UGT2A2: variants seen among roughly 807,000 people sequenced by gnomAD.
UGT2A2 encodes the protein UDP glucuronosyltransferase family 2 member A2.
Under a neutral mutation model 50.7 loss-of-function variants are expected in UGT2A2, and 60 were observed. The ratio of observed to expected loss-of-function variants is 1.18; its 90% CI spans 0.96 to 1.47. The LOEUF (loss-of-function observed/expected upper bound fraction) is 1.47, where lower values mean the gene tolerates loss of function less well. Ranked by LOEUF, UGT2A2 falls within the 40% of genes most tolerant of loss-of-function variation. UGT2A2 has a pLI of 0.00. For synonymous variants in UGT2A2, 242 were observed against 214.6 expected (o/e 1.13, Z -1.11); for missense variants, 762 against 634.0 (o/e 1.20, Z -2.17).
chr4:69,596,189 T>C (rs933367127), intron 3 of UGT2A2, 61 bp downstream of exon 3: 2 of 1,412,200 alleles, frequency 1.4e-6, no homozygotes, highest in African/African-American at 1.4e-5. Flanking sequence ...AGAACATTAC[T>C]AGCTGCATTG....
intron 1 of UGT2A2, 44 bp downstream of exon 1, chr4:69,638,855 A>G: frequency 2.7e-6 from 4 of 1,479,018 alleles, no homozygotes; most frequent in Non-Finnish European, 3.6e-6. Flanking sequence ...ATAAGAATAA[A>G]TAAGGGATGT....
At chr4:69,625,003 C>G (rs369242151) in intron 1 of UGT2A2, among the ~76,000 whole-genome samples, 1 of 150,262 alleles carries the variant, frequency 6.7e-6, no homozygotes, top group East Asian at 2.0e-4. Flanking sequence ...CTTGTAGCAA[C>G]AAAAAAAATC....
chr4:69,635,840 A>G (rs1306595805), intron 1 of UGT2A2: 1 of 146,456 alleles, frequency 6.8e-6, no homozygotes, highest in African/African-American at 2.6e-5. Flanking sequence ...AAAAAAAAAA[A>G]AAAAAAAAAA....
At chr4:69,593,977 G>T (rs2033800) in intron 5 of UGT2A2, among the ~76,000 whole-genome samples, 11,489 of 46,980 alleles carry the variant, frequency 0.24, 1,143 homozygotes, top group East Asian at 0.34. Flanking sequence ...CTTTTTTTTT[G>T]TTTGTTTTTT....
At chr4:69,597,882 T>G (rs1432316) in intron 2 of UGT2A2, among the ~76,000 whole-genome samples, 29,654 of 152,094 alleles carry the variant, frequency 0.19, 3,540 homozygotes, top group East Asian at 0.55. Context: ...GGTATTCATA[T>G]TTCCCAAAGC....
At chr4:69,622,819 C>T (rs1386705685) in intron 1 of UGT2A2, among the ~76,000 whole-genome samples, 1 of 151,724 alleles carries the variant, frequency 6.6e-6, no homozygotes, top group African/African-American at 2.4e-5. Flanking sequence ...ACACATTCAT[C>T]CAGCGGTCCA....
At chr4:69,630,967 G>A (rs1384097654) in intron 1 of UGT2A2, among the ~76,000 whole-genome samples, 2 of 152,064 alleles carry the variant, frequency 1.3e-5, no homozygotes, top group Admixed American at 6.5e-5. Context: ...CTACTTAAAT[G>A]TTATTAATAA....
At chr4:69,605,911 T>A (rs1222199630) in intron 1 of UGT2A2, among the ~76,000 whole-genome samples, 1 of 136,824 alleles carries the variant, frequency 7.3e-6, no homozygotes, top group Non-Finnish European at 1.6e-5. Context: ...TAACAGGCTC[T>A]GAAATTGAGG....
At chr4:69,622,072 T>C (rs1013304936) in intron 1 of UGT2A2, among the ~76,000 whole-genome samples, 2 of 151,866 alleles carry the variant, frequency 1.3e-5, no homozygotes, top group Admixed American at 1.3e-4. Context: ...GCTTAATACC[T>C]GGGTCATGGA....
intron 1 of UGT2A2, among the ~76,000 whole-genome samples, chr4:69,608,130 T>C (rs1719778628): frequency 6.6e-6 from 1 of 152,162 alleles, no homozygotes; most frequent in African/African-American, 2.4e-5. Context: ...CGTATGTTTA[T>C]TGCAGCGCTA....
rs141599714 is a variant in UGT2A2 at position 69,621,291 on chromosome 4, C to G, written c.742+17608G>C. Among the ~76,000 whole-genome samples, 74 of 152,000 alleles carry G rather than the reference C, an allele frequency of 4.9e-4. 1 individual carries two copies. The highest frequency in any genetic ancestry group is 1.5e-3 in the African/African-American group (64 of 41,496). ...ATCCAGTATTTACAGGGAATTTAAA[C>G]AAACTTACAAGAAAGAAACAACCTC... On this transcript the variant is annotated intron_variant, in intron 1 of 5. Coordinates refer to ENST00000604629, the MANE Select transcript of UGT2A2 (RefSeq NM_001105677.2).
At chr4:69,611,455 A>C (rs1161013631) in intron 1 of UGT2A2, among the ~76,000 whole-genome samples, 2 of 152,008 alleles carry the variant, frequency 1.3e-5, no homozygotes, top group African/African-American at 2.4e-5. Flanking sequence ...AGAAAAAAAA[A>C]CTAATAAATG....
At chr4:69,634,061 T>C (rs978126331) in intron 1 of UGT2A2, among the ~76,000 whole-genome samples, 3 of 151,856 alleles carry the variant, frequency 2.0e-5, no homozygotes, top group Admixed American at 6.6e-5. Context: ...CTGGCTAACA[T>C]GGTGAAACCC....
chr4:69,610,755 A>G (rs1323860060), intron 1 of UGT2A2, among the ~76,000 whole-genome samples: 1 of 152,192 alleles, frequency 6.6e-6, no homozygotes, highest in Non-Finnish European at 1.5e-5. Flanking sequence ...TGGTGGCCAT[A>G]AAAACTTCAA....
chr4:69,628,270 T>G (rs1377109653), intron 1 of UGT2A2, among the ~76,000 whole-genome samples: 3 of 141,024 alleles, frequency 2.1e-5, no homozygotes, highest in Non-Finnish European at 4.6e-5. Flanking sequence ...AAACCAAAAT[T>G]TATATGGAGC....
At chr4:69,607,264 G>A (rs1193767191) in intron 1 of UGT2A2, among the ~76,000 whole-genome samples, 2 of 150,080 alleles carry the variant, frequency 1.3e-5, no homozygotes, top group South Asian at 2.1e-4. Context: ...AAATAATGCT[G>A]CGTATCTACA....
chr4:69,637,569 C>T (rs1220781201), intron 1 of UGT2A2, among the ~76,000 whole-genome samples: 1 of 152,086 alleles, frequency 6.6e-6, no homozygotes, highest in Admixed American at 6.6e-5. Context: ...TCCCTCAGGT[C>T]TTTGGCCTGA....
In UGT2A2 at chr4:69,605,785, C is replaced by A. The variant is rs1347398883; in HGVS notation, c.743-6391G>T. On this transcript the variant is annotated intron_variant, in intron 1 of 5. Coordinates refer to ENST00000604629, the MANE Select transcript of UGT2A2 (RefSeq NM_001105677.2). ...AAATACAAAGTACCATCAGAGAATA[C>A]TATAAACACCTCTACACAAATAAAC... Among the ~76,000 whole-genome samples the A allele has an allele frequency of 1.5e-5, 2 of 136,822 alleles. 1 individual carries two copies. The allele number at this position is 136,822 out of a possible 152,430, so 89.8% of individuals were successfully genotyped here. A position where few individuals can be genotyped will look rare whatever the true frequency, so the allele number is the denominator to read the frequency against.
chr4:69,599,974 A>T (rs574728481), intron 1 of UGT2A2, among the ~76,000 whole-genome samples: 1 of 152,312 alleles, frequency 6.6e-6, no homozygotes, highest in African/African-American at 2.4e-5. Context: ...TGCCTCTCCC[A>T]CTTGAAAAGA....
Sources: allele counts gnomAD v4.1 joint callset (sites outside exome capture counted in the v4.1 genomes callset), GRCh38; gene constraint gnomAD v4.1.1; transcripts MANE v1.5; gene names NCBI Gene and HGNC (gene_info 2026-07-23, HGNC 2026-07-21).